The following CCSER1 variants were observed in gnomAD, a reference collection of about 807,000 sequenced individuals.
The protein encoded by CCSER1 is serine-rich coiled-coil domain-containing protein 1.
A neutral mutation model predicts 82.0 loss-of-function variants in CCSER1; 41 were observed. That is an observed-to-expected ratio of 0.50 (90% CI 0.39 to 0.65). The LOEUF (loss-of-function observed/expected upper bound fraction) is 0.65. CCSER1 is among the 30% of genes least tolerant of loss of function. The pLI is 0.00. For missense variants in CCSER1, 1,119 were observed against 1,064.2 expected, an observed-to-expected ratio of 1.05 and a Z score of -0.72; for synonymous variants, 414 against 383.9, an observed-to-expected ratio of 1.08 and a Z score of -0.92.
At chr4:91,129,085 G>T (rs1375410540) in intron 10 of CCSER1, among the ~76,000 whole-genome samples, 4 of 152,030 alleles carry the variant, frequency 2.6e-5, no homozygotes, top group East Asian at 1.9e-4. Flanking sequence ...CTAGATGGCC[G>T]AATTTCAAGC....
intron 6 of CCSER1, among the ~76,000 whole-genome samples, chr4:90,689,545 G>T (rs1489600920): frequency 6.6e-6 from 1 of 152,060 alleles, no homozygotes; most frequent in Non-Finnish European, 1.5e-5. Flanking sequence ...CTTGCTCTAT[G>T]CCAGGGACAG....
chr4:90,494,296 A>G (rs1379395705), intron 5 of CCSER1, among the ~76,000 whole-genome samples: 1 of 152,150 alleles, frequency 6.6e-6, no homozygotes, highest in South Asian at 2.1e-4. Context: ...AGAGACTTAG[A>G]CTCCCACACA....
At chr4:91,479,252 AG>A (rs1180311701) in intron 10 of CCSER1, among the ~76,000 whole-genome samples, 1 of 151,712 alleles carries the variant, frequency 6.6e-6, no homozygotes, top group Non-Finnish European at 1.5e-5. Flanking sequence ...CTCTGGTCTT[AG>A]GGAACTATTT....
At chr4:90,615,675 G>GTTTTTTTTTTT (rs59211032) in intron 5 of CCSER1, among the ~76,000 whole-genome samples, 1 of 147,440 alleles carries the variant, frequency 6.8e-6, no homozygotes, top group African/African-American at 2.5e-5. Context: ...AGAAAGTGTT[G>GTTTTTTTTTTT]TTTTTTTTTT....
chr4:91,136,505 A>G (rs140054419), intron 10 of CCSER1, among the ~76,000 whole-genome samples: 51 of 152,240 alleles, frequency 3.3e-4, no homozygotes, highest in Non-Finnish European at 6.3e-4. Flanking sequence ...CTGACCTACA[A>G]TGGATACCCT....
At chr4:91,594,284 T>C (rs1764414392) in intron 10 of CCSER1, among the ~76,000 whole-genome samples, 1 of 150,598 alleles carries the variant, frequency 6.6e-6, no homozygotes, top group Admixed American at 6.7e-5. Context: ...TATATATATA[T>C]ATGTGTGTAT....
intron 10 of CCSER1, among the ~76,000 whole-genome samples, chr4:91,109,617 T>C (rs1725926150): frequency 6.6e-6 from 1 of 152,150 alleles, no homozygotes; most frequent in Non-Finnish European, 1.5e-5. Context: ...AAACAGGTGA[T>C]AGTCATGTTG....
At chr4:90,850,188 T>C (rs974479696) in intron 8 of CCSER1, among the ~76,000 whole-genome samples, 2 of 152,330 alleles carry the variant, frequency 1.3e-5, no homozygotes, top group South Asian at 4.1e-4. Context: ...TTTGGGAACC[T>C]CTGCCTAGAT....
At chr4:91,222,024 T>C (rs933487635) in intron 10 of CCSER1, among the ~76,000 whole-genome samples, 1 of 151,948 alleles carries the variant, frequency 6.6e-6, no homozygotes, top group Non-Finnish European at 1.5e-5. Flanking sequence ...GAAGAAAATA[T>C]GCACAATAAT....
At chr4:90,623,329 C>T (rs963756460) in intron 5 of CCSER1, among the ~76,000 whole-genome samples, 2 of 148,532 alleles carry the variant, frequency 1.3e-5, no homozygotes, top group Admixed American at 1.3e-4. Flanking sequence ...CCACTGTGCC[C>T]GGCCAGGATG....
rs552754446 is a variant in CCSER1, at chr4:91,013,942, G to T, written c.2173-72008G>T. On this transcript the variant is annotated intron_variant, in intron 9 of 10. Coordinates refer to ENST00000509176, the MANE Select transcript of CCSER1 (RefSeq NM_001145065.2). ...GGCACACTTTTTTGTTTTTGTTTTT[G>T]TTGTTGTTGTTGTTGTTTTGTATTT... Among the ~76,000 whole-genome samples, 5 of 130,994 alleles carry T rather than the reference G, an allele frequency of 3.8e-5. 1 individual carries two copies. The highest frequency in any genetic ancestry group is 4.9e-4 in the South Asian group (2 of 4,076). 85.9% of individuals were successfully genotyped at this position (130,994 alleles called of 152,430 possible).
intron 8 of CCSER1, among the ~76,000 whole-genome samples, chr4:90,884,435 A>G (rs1439640596): frequency 1.3e-5 from 2 of 152,162 alleles, no homozygotes; most frequent in Non-Finnish European, 2.9e-5. Flanking sequence ...ATTTATATAC[A>G]TATTGTCTGT....
chr4:90,383,785 A>G (rs1451027024), intron 3 of CCSER1, among the ~76,000 whole-genome samples: 1 of 151,360 alleles, frequency 6.6e-6, no homozygotes, highest in Non-Finnish European at 1.5e-5. Flanking sequence ...AGGCTTGAGG[A>G]CAGTGGCACA....
At chr4:91,342,436 A>C (rs1747782051) in intron 10 of CCSER1, among the ~76,000 whole-genome samples, 1 of 152,196 alleles carries the variant, frequency 6.6e-6, no homozygotes, top group Non-Finnish European at 1.5e-5. Context: ...TACCTTGGAA[A>C]GTCACAAAAA....
chr4:90,978,015 A>T (rs1735767094), intron 9 of CCSER1, among the ~76,000 whole-genome samples: 2 of 151,632 alleles, frequency 1.3e-5, no homozygotes, highest in South Asian at 4.1e-4. Flanking sequence ...GGGGTTTCTG[A>T]TATCCTGCAA....
At chr4:91,328,556 C>T (rs1746724997) in intron 10 of CCSER1, among the ~76,000 whole-genome samples, 1 of 152,054 alleles carries the variant, frequency 6.6e-6, no homozygotes, top group Non-Finnish European at 1.5e-5. Context: ...GACAGCCAAA[C>T]CATATCAACC....
In CCSER1 at chr4:90,551,706, C is replaced by CTCTCTCTCTATATATATATA; in HGVS notation, c.1725-76318_1725-76317insCTCTCTCTATATATATATAT. On this transcript the variant is annotated intron_variant, in intron 5 of 10. Coordinates refer to ENST00000509176, the MANE Select transcript of CCSER1 (RefSeq NM_001145065.2). ...TCTCTCTCTCTCTCTCTCTCTCTCT[C>CTCTCTCTCTATATATATATA]TATATATATATATATATATATGTAA... 2.0e-3 allele frequency among the ~76,000 whole-genome samples: 212 copies of CTCTCTCTCTATATATATATA among 104,198 alleles called. 1 individual carries two copies. Among genetic ancestry groups the CTCTCTCTCTATATATATATA allele is most frequent in the South Asian group, 4.0e-3 (10 of 2,522 alleles). 68.4% of individuals were successfully genotyped at this position (104,198 alleles called of 152,430 possible).
chr4:91,345,860 C>T (rs1051569928), intron 10 of CCSER1, among the ~76,000 whole-genome samples: 3 of 152,152 alleles, frequency 2.0e-5, no homozygotes, highest in African/African-American at 7.2e-5. Flanking sequence ...GCCCCACAAA[C>T]TCCTGGCAAC....
At chr4:91,364,880 GAT>G (rs1749502499) in intron 10 of CCSER1, among the ~76,000 whole-genome samples, 1 of 151,710 alleles carries the variant, frequency 6.6e-6, no homozygotes, top group African/African-American at 2.4e-5. Flanking sequence ...TTTTTTCTCT[GAT>G]ATGTCTTCTT....
Sources: gnomAD v4.1 joint callset for allele counts (sites outside exome capture counted in the v4.1 genomes callset) on GRCh38, gnomAD v4.1.1 for gene constraint, MANE v1.5 for transcripts, NCBI Gene and HGNC (gene_info 2026-07-23, HGNC 2026-07-21) for gene names.